XIRP2: variants seen among roughly 807,000 people sequenced by gnomAD.
XIRP2 encodes xin actin binding repeat containing 2, also known as xin actin-binding repeat-containing protein 2.
XIRP2 carries 236 observed loss-of-function variants against 277.0 expected under a neutral mutation model. The observed-to-expected ratio is 0.85, with a 90% confidence interval of 0.77 to 0.95. The LOEUF (loss-of-function observed/expected upper bound fraction) is 0.95. Among genes scored for constraint, XIRP2 ranks in the 40% least tolerant of loss-of-function variants. XIRP2 has a pLI of 0.00. For synonymous variants in XIRP2, 1,490 were observed against 1,416.5 expected (o/e 1.05, Z -1.17); for missense variants, 4,640 against 4,157.5 (o/e 1.12, Z -3.19).
chr2:167,133,091 C>T (rs953255111), intron 2 of XIRP2, among the ~76,000 whole-genome samples: 1 of 152,062 alleles, frequency 6.6e-6, no homozygotes, highest in African/African-American at 2.4e-5. Context: ...TAATCAAGGC[C>T]ACAAAGCTTA....
At chr2:167,111,183 T>C (rs1312020111) in intron 2 of XIRP2, among the ~76,000 whole-genome samples, 1 of 152,144 alleles carries the variant, frequency 6.6e-6, no homozygotes, top group Non-Finnish European at 1.5e-5. Flanking sequence ...TCTTGACTGA[T>C]TGTTATGGCC....
chr2:167,169,288 C>G (rs902320919), intron 3 of XIRP2, among the ~76,000 whole-genome samples: 2 of 123,640 alleles, frequency 1.6e-5, no homozygotes, highest in African/African-American at 6.4e-5. Context: ...TTGTGAAGAC[C>G]AGGTAGTGCT....
intron 2 of XIRP2, among the ~76,000 whole-genome samples, chr2:167,049,071 T>G (rs746900578): frequency 2.0e-5 from 3 of 151,910 alleles, no homozygotes; most frequent in Non-Finnish European, 4.4e-5. Context: ...GGAAAAGTAG[T>G]ATACAAATTT....
chr2:167,025,276 T>A (rs1315569424), intron 2 of XIRP2, among the ~76,000 whole-genome samples: 5 of 152,180 alleles, frequency 3.3e-5, no homozygotes, highest in Non-Finnish European at 5.9e-5. Context: ...TGGTAGTTTG[T>A]ATTTCTGTGG....
chr2:166,936,337 A>G (rs1685500671), intron 2 of XIRP2, among the ~76,000 whole-genome samples: 1 of 152,174 alleles, frequency 6.6e-6, no homozygotes, highest in South Asian at 2.1e-4. Flanking sequence ...AGTAGATTGC[A>G]AAAATTTTCT....
At position 167,120,042 on chromosome 2, in the gene XIRP2, T is replaced by A. The variant is rs1183576024; in HGVS notation, c.409-15867T>A. 2.0e-5 allele frequency among the ~76,000 whole-genome samples: 3 copies of A among 152,156 alleles called. No individual in the cohort carries two copies. The East Asian group carries it at 5.8e-4, about 29-fold the overall frequency. On this transcript the variant is annotated intron_variant, in intron 2 of 10. Transcript: ENST00000409195. ...TTCTAAAAGAGAAATCATAGAGCGC[T>A]AGTACTTCCACTTTGCACCAAGCCT...
Position 167,244,031 on chromosome 2 carries a change from A to C in XIRP2, c.2639A>C (p.Glu880Ala), listed in dbSNP as rs761067120. The C allele has an allele frequency of 6.2e-7, 1 of 1,614,008 alleles. No individual in the cohort carries two copies. The highest frequency in any genetic ancestry group is 1.1e-5 in the South Asian group (1 of 91,072). Residue 880 changes from glutamate (E) to alanine (A), a missense_variant, in exon 9 of 11, where the codon GAA (glutamate) becomes GCA (alanine). Glu to Ala is a moderately radical substitution (Grantham distance 107, BLOSUM62 -1). Coordinates refer to ENST00000409195, the MANE Select transcript of XIRP2 (RefSeq NM_152381.6). Reference protein sequence around the residue: ...GDVQTTKHLFETLPIEALKDS... With the variant: ...GDVQTTKHLFATLPIEALKDS... ...GTACAAACTACTAAGCATCTATTTGAAACACTTCCAATTGAAGCATTAAAA... is the reference window on the plus strand; with the variant it reads ...GTACAAACTACTAAGCATCTATTTGCAACACTTCCAATTGAAGCATTAAAA...
At chr2:167,054,167 T>A (rs1379560167) in intron 2 of XIRP2, among the ~76,000 whole-genome samples, 1 of 152,222 alleles carries the variant, frequency 6.6e-6, no homozygotes, top group Non-Finnish European at 1.5e-5. Flanking sequence ...GCATATTTTT[T>A]AATCACAATT....
chr2:167,198,829 A>T (rs1693597380), intron 3 of XIRP2, among the ~76,000 whole-genome samples: 1 of 152,200 alleles, frequency 6.6e-6, no homozygotes, highest in South Asian at 2.1e-4. Flanking sequence ...GTGTTGAATT[A>T]GTGTGGCTTC....
At chr2:167,203,580 C>T (rs1341098355) in intron 3 of XIRP2, among the ~76,000 whole-genome samples, 2 of 152,102 alleles carry the variant, frequency 1.3e-5, no homozygotes, top group African/African-American at 4.8e-5. Flanking sequence ...CATTTTTATT[C>T]CCTCGCCCTT....
intron 5 of XIRP2, among the ~76,000 whole-genome samples, chr2:167,223,248 A>G (rs961216126): frequency 6.6e-6 from 1 of 152,080 alleles, no homozygotes. Context: ...GAAAGAGCAG[A>G]TGGAGCTCCA....
intron 2 of XIRP2, among the ~76,000 whole-genome samples, chr2:167,040,613 A>C (rs1558958840): frequency 1.3e-5 from 2 of 152,188 alleles, no homozygotes; most frequent in African/African-American, 2.4e-5. Flanking sequence ...CCATGGGAAC[A>C]CATCCCAAAG....
chr2:167,028,755 T>C (rs868275985), intron 2 of XIRP2, among the ~76,000 whole-genome samples: 4 of 151,850 alleles, frequency 2.6e-5, no homozygotes, highest in African/African-American at 9.6e-5. Context: ...ATGACAGAGA[T>C]ATTTGACCTT....
intron 2 of XIRP2, among the ~76,000 whole-genome samples, chr2:166,982,725 T>C (rs2105435616): frequency 6.6e-6 from 1 of 152,332 alleles, no homozygotes; most frequent in Non-Finnish European, 1.5e-5. Flanking sequence ...CCCTCATCCT[T>C]TGCTATTTAA....
intron 3 of XIRP2, among the ~76,000 whole-genome samples, chr2:167,196,949 A>G (rs1324461414): frequency 6.6e-6 from 1 of 152,174 alleles, no homozygotes; most frequent in Non-Finnish European, 1.5e-5. Context: ...TGATGGAGAC[A>G]TGAATGTATT....
intron 5 of XIRP2, among the ~76,000 whole-genome samples, chr2:167,228,920 G>C (rs139817142): frequency 2.4e-4 from 36 of 152,152 alleles, no homozygotes; most frequent in South Asian, 4.2e-4. Context: ...ATTTAGAAAA[G>C]AAATGTATGC....
chr2:167,155,651 G>A (rs1158846346), intron 3 of XIRP2, among the ~76,000 whole-genome samples: 7 of 152,064 alleles, frequency 4.6e-5, no homozygotes, highest in East Asian at 3.9e-4. Flanking sequence ...TACTGAATGC[G>A]CAAAAACTGG....
intron 2 of XIRP2, among the ~76,000 whole-genome samples, chr2:167,032,180 C>A (rs1688382907): frequency 6.6e-6 from 1 of 152,064 alleles, no homozygotes; most frequent in African/African-American, 2.4e-5. Context: ...CTTTGATAAA[C>A]CTGACAAAAA....
At chr2:167,175,623 C>G (rs1553495419) in intron 3 of XIRP2, among the ~76,000 whole-genome samples, 1 of 152,144 alleles carries the variant, frequency 6.6e-6, no homozygotes, top group Non-Finnish European at 1.5e-5. Context: ...TTCAGGGAAC[C>G]ACTTGAGGAG....
Sources: gnomAD v4.1 joint callset for allele counts (sites outside exome capture counted in the v4.1 genomes callset) on GRCh38, gnomAD v4.1.1 for gene constraint, MANE v1.5 for transcripts, NCBI Gene and HGNC (gene_info 2026-07-23, HGNC 2026-07-21) for gene names.